The following RPRD1B variants were observed in gnomAD, a reference collection of about 807,000 sequenced individuals.
The protein encoded by RPRD1B is regulation of nuclear pre-mRNA domain-containing protein 1B.
A neutral mutation model predicts 41.5 loss-of-function variants in RPRD1B; 11 were observed. The ratio of observed to expected loss-of-function variants is 0.27; its 90% CI spans 0.17 to 0.44. RPRD1B has a LOEUF of 0.44. Ranked by LOEUF, RPRD1B falls within the 20% of genes least tolerant of loss-of-function variation. The pLI, the probability that RPRD1B is intolerant of heterozygous loss-of-function variation, is 1.00. For synonymous variants in RPRD1B, 158 were observed against 155.6 expected (o/e 1.02, Z -0.12); for missense variants, 248 against 389.9 (o/e 0.64, Z 3.06).
intron 5 of RPRD1B, 84 bp downstream of exon 5, chr20:38,059,604 C>T: frequency 7.7e-7 from 1 of 1,292,298 alleles, no homozygotes; most frequent in African/African-American, 1.5e-5. Flanking sequence ...TTAACGTCTG[C>T]AGGTATAGAC....
At position 38,090,959 on chromosome 20, in the gene RPRD1B, T is replaced by C; in HGVS notation, c.*1084T>C. 1.0e-6 allele frequency: 1 copy of C among 977,994 alleles called. No individual in the cohort carries two copies. The highest frequency in any genetic ancestry group is 1.1e-4 in the East Asian group (1 of 8,818). The allele number at this position is 977,994 out of a possible 1,614,324, so 60.6% of individuals were successfully genotyped here. On this transcript the variant is annotated 3_prime_UTR_variant, in exon 7 of 7. Transcript: ENST00000373433. The stretch of plus-strand genomic sequence containing the variant: ...GGGGAGTACTTGCGTCAGATGTTAT[T>C]GAATAGCTCGTCTCGGGCAGGGGAA...
Position 38,091,007 on chromosome 20 carries a change from T to G in RPRD1B, c.*1132T>G. On this transcript the variant is annotated 3_prime_UTR_variant, in exon 7 of 7. Transcript: ENST00000373433. ...GAAGCGGGGAGTTGGGGATATTAAT[T>G]GGGGGTTTTAATTCTATTATCATGT... The G allele has an allele frequency of 8.1e-6, 8 of 985,556 alleles. No individual in the cohort carries two copies. The highest frequency in any genetic ancestry group is 9.6e-6 in the Non-Finnish European group (8 of 829,902). 61.1% of individuals were successfully genotyped at this position (985,556 alleles called of 1,614,324 possible).
At chr20:38,078,665 T>C (rs552372293) in intron 6 of RPRD1B, among the ~76,000 whole-genome samples, 1 of 152,308 alleles carries the variant, frequency 6.6e-6, no homozygotes, top group East Asian at 1.9e-4. Flanking sequence ...ACTTGGTTCA[T>C]CTCTAGACAA....
intron 2 of RPRD1B, among the ~76,000 whole-genome samples, chr20:38,044,523 G>T (rs1317218283): frequency 6.6e-6 from 1 of 151,976 alleles, no homozygotes; most frequent in African/African-American, 2.4e-5. Context: ...ACAGGCGCCC[G>T]CCATGATGCC....
chr20:38,037,856 G>A (rs563733334), intron 1 of RPRD1B, among the ~76,000 whole-genome samples: 1 of 151,650 alleles, frequency 6.6e-6, no homozygotes, highest in East Asian at 1.9e-4. Context: ...ATGGATTCTA[G>A]GTTTTTTTTT....
intron 3 of RPRD1B, chr20:38,049,766 A>G (rs768172394): frequency 2.1e-6 from 1 of 471,196 alleles, no homozygotes. Context: ...TTTCTTAGCT[A>G]CAGATCTGAT....
Position 38,090,007 on chromosome 20 carries a change from C to T in RPRD1B, c.*132C>T. 1 of 1,457,046 alleles carries T rather than the reference C, an allele frequency of 6.9e-7. No individual in the cohort carries two copies. The highest frequency in any genetic ancestry group is 9.0e-7 in the Non-Finnish European group (1 of 1,109,448). The allele number at this position is 1,457,046 out of a possible 1,614,324, so 90.3% of individuals were successfully genotyped here. A position where few individuals can be genotyped will look rare whatever the true frequency, so the allele number is the denominator to read the frequency against. On this transcript the variant is annotated 3_prime_UTR_variant, in exon 7 of 7. Transcript: ENST00000373433. ...GCCCCCCAGCCTCAAGAAAGAACCT[C>T]AGACTCTGATTCTCCTCTTCAGCCT...
intron 6 of RPRD1B, chr20:38,083,767 G>A (rs1568663291): frequency 6.6e-6 from 1 of 152,186 alleles, no homozygotes; most frequent in African/African-American, 2.4e-5. Flanking sequence ...GAGAGGCCCC[G>A]AGTATTGGGA....
chr20:38,065,902 G>A, intron 5 of RPRD1B, 179 bp from the exon 6 acceptor site: 1 of 584,548 alleles, frequency 1.7e-6, no homozygotes, highest in Admixed American at 3.1e-5. Flanking sequence ...CTGTCTTGTT[G>A]ACAGAGTGAA....
rs558297805 is a variant in RPRD1B, at chr20:38,049,394, A to G, written c.415+913A>G. ...TTTTTTTTTTTTTTTTTTTTGAGAC[A>G]GAGTCTTGCTTTGTTACCTGGGCTG... On this transcript the variant is annotated intron_variant, in intron 3 of 6. Transcript: ENST00000373433. 8.4e-5 allele frequency among the ~76,000 whole-genome samples: 8 copies of G among 95,168 alleles called. No homozygotes were observed. In the South Asian group the frequency reaches 1.9e-3, roughly 22 times the overall value. 62.4% of individuals were successfully genotyped at this position (95,168 alleles called of 152,430 possible).
intron 6 of RPRD1B, chr20:38,070,140 T>C (rs2122744592): frequency 1.0e-6 from 1 of 954,138 alleles, no homozygotes; most frequent in Non-Finnish European, 1.2e-6. Context: ...TTTGTACTAC[T>C]TTTCTTTTTT....
At chr20:38,038,637 C>T (rs1202728236) in intron 1 of RPRD1B, among the ~76,000 whole-genome samples, 1 of 151,950 alleles carries the variant, frequency 6.6e-6, no homozygotes, top group East Asian at 1.9e-4. Flanking sequence ...GCTGGGACTA[C>T]AGGCGCCCGC....
rs138654250 is a variant in RPRD1B, at chr20:38,070,835, G to A, written c.831+4579G>A. ...AGCTCACTGCCTCCCGGGTTCAAGC[G>A]ATTCTCGTGCCTCAGCCTCCCGAGT... is the stretch of plus-strand genomic sequence containing the variant. On this transcript the variant is annotated intron_variant, in intron 6 of 6. Coordinates refer to ENST00000373433, the MANE Select transcript of RPRD1B (RefSeq NM_021215.4). The A allele has an allele frequency of 3.0e-3, 1,818 of 607,932 alleles. 15 individuals carry two copies. The highest frequency in any genetic ancestry group is 0.026 in the African/African-American group (1,219 of 47,638). The allele number at this position is 607,932 out of a possible 1,614,324, so 37.7% of individuals were successfully genotyped here.
chr20:38,056,262 A>G (rs2074239840), intron 3 of RPRD1B, among the ~76,000 whole-genome samples: 1 of 152,058 alleles, frequency 6.6e-6, no homozygotes, highest in Non-Finnish European at 1.5e-5. Context: ...ATGGGGGCAA[A>G]TGCCTGTAAT....
In RPRD1B at chr20:38,090,930, C is replaced by T. The variant is rs1356662679; in HGVS notation, c.*1055C>T. The T allele has an allele frequency of 1.7e-5, 17 of 985,264 alleles. 1 individual carries two copies. The highest frequency in any genetic ancestry group is 8.7e-5 in the African/African-American group (5 of 57,226). The allele number at this position is 985,264 out of a possible 1,614,324, so 61.0% of individuals were successfully genotyped here. A position where few individuals can be genotyped will look rare whatever the true frequency, so the allele number is the denominator to read the frequency against. ...CACTGCACAGGTCCTTGTCCCCACA[C>T]GACGGGGAGTACTTGCGTCAGATGT... is the stretch of plus-strand genomic sequence containing the variant. On this transcript the variant is annotated 3_prime_UTR_variant, in exon 7 of 7. Transcript: ENST00000373433.
chr20:38,035,064 G>A (rs1032153141), intron 1 of RPRD1B, among the ~76,000 whole-genome samples: 3 of 152,136 alleles, frequency 2.0e-5, no homozygotes, highest in Non-Finnish European at 4.4e-5. Context: ...TTGCAGAAGA[G>A]GAAAAACTGA....
Position 38,051,203 on chromosome 20 carries a change from G to T in RPRD1B, c.415+2722G>T, listed in dbSNP as rs149095049. Among the ~76,000 whole-genome samples the T allele has an allele frequency of 1.6e-3, 246 of 152,280 alleles. 1 individual carries two copies. Among genetic ancestry groups the T allele is most frequent in the Admixed American group, 3.5e-3 (53 of 15,298 alleles). On this transcript the variant is annotated intron_variant, in intron 3 of 6. Coordinates refer to ENST00000373433, the MANE Select transcript of RPRD1B (RefSeq NM_021215.4). ...AAGGTGTCTCTCAAAACATCACACT[G>T]TACCCTATAAATATATACAATTATT...
At chr20:38,072,032 T>C (rs1382925591) in intron 6 of RPRD1B, among the ~76,000 whole-genome samples, 1 of 152,212 alleles carries the variant, frequency 6.6e-6, no homozygotes, top group Admixed American at 6.5e-5. Context: ...AGTTCCAATT[T>C]ATCTATTTTT....
chr20:38,089,815 C>G lies in RPRD1B; in HGVS notation c.921C>G (p.Pro307=), dbSNP rs1383544873. The part of the protein sequence containing the change: ...IQSLPDLSLL[P]NVTGGLAPLP... Reference sequence around the variant, plus strand: ...GCTTGCCAGACCTCTCACTGCTGCCCAACGTCACAGGGGGCTTAGCCCCCC... The same window carrying G: ...GCTTGCCAGACCTCTCACTGCTGCCGAACGTCACAGGGGGCTTAGCCCCCC... The change falls in exon 7 of 7, where the codon CCC becomes CCG. Residue 307 remains proline (P), a synonymous_variant. Coordinates refer to ENST00000373433, the MANE Select transcript of RPRD1B (RefSeq NM_021215.4). The G allele has an allele frequency of 6.2e-7, 1 of 1,614,232 alleles. No homozygotes were observed. Among genetic ancestry groups the G allele is most frequent in the Admixed American group, 1.7e-5 (1 of 60,032 alleles).
Sources: allele counts gnomAD v4.1 joint callset (sites outside exome capture counted in the v4.1 genomes callset), GRCh38; gene constraint gnomAD v4.1.1; transcripts MANE v1.5; gene names NCBI Gene and HGNC (gene_info 2026-07-23, HGNC 2026-07-21).